COL6A6: variants seen among roughly 807,000 people sequenced by gnomAD.
COL6A6 encodes collagen alpha-6(VI) chain.
COL6A6 carries 183 observed loss-of-function variants against 208.6 expected under a neutral mutation model. The ratio of observed to expected loss-of-function variants is 0.88; its 90% CI spans 0.78 to 0.99. COL6A6 has a LOEUF of 0.99. Ranked by LOEUF, COL6A6 falls within the 50% of genes least tolerant of loss-of-function variation. The pLI, the probability that COL6A6 is intolerant of heterozygous loss-of-function variation, is 0.00. For synonymous variants in COL6A6, 973 were observed against 1,011.8 expected, an observed-to-expected ratio of 0.96 and a Z score of 0.73; for missense variants, 2,816 against 2,815.2, an observed-to-expected ratio of 1.00 and a Z score of -0.01.
At chr3:130,671,082 A>G (rs771216996) in intron 36 of COL6A6, among the ~76,000 whole-genome samples, 1 of 152,180 alleles carries the variant, frequency 6.6e-6, no homozygotes, top group Non-Finnish European at 1.5e-5. Context: ...CACCAAGTAA[A>G]GGGGATGGGG....
At chr3:130,601,466 A>G (rs2064017623) in intron 20 of COL6A6, among the ~76,000 whole-genome samples, 1 of 152,204 alleles carries the variant, frequency 6.6e-6, no homozygotes, top group South Asian at 2.1e-4. Flanking sequence ...AAAGAAATGC[A>G]TTTGCTATTC....
chr3:130,642,992 TG>T lies in COL6A6; in HGVS notation c.5197del (p.Glu1733SerfsTer44). 1 of 1,613,928 alleles carries T rather than the reference TG, an allele frequency of 6.2e-7. No homozygotes were observed. On this transcript the variant is annotated frameshift_variant, in exon 31 of 37. Transcript: ENST00000358511. LOFTEE classifies it high-confidence loss of function. ...GTTTTATTTTCGAACTGCAGACATG[TG>T]AGCTCATTCAGTATGTGCGAGACCG... is the stretch of plus-strand genomic sequence containing the variant. ...AKGLASFSTC[E>X]LIQYVRDRSP...
chr3:130,520,741 A>G (rs1302682919), intron 1 of COL6A6, among the ~76,000 whole-genome samples: 1 of 152,212 alleles, frequency 6.6e-6, no homozygotes, highest in Non-Finnish European at 1.5e-5. Flanking sequence ...ATCTCGGGAC[A>G]AGATAAAGGA....
intron 1 of COL6A6, among the ~76,000 whole-genome samples, chr3:130,557,828 G>C (rs2062800512): frequency 6.6e-6 from 1 of 152,114 alleles, no homozygotes; most frequent in East Asian, 1.9e-4. Flanking sequence ...AAACATTCTG[G>C]GTTTGAAGCC....
intron 8 of COL6A6, among the ~76,000 whole-genome samples, chr3:130,577,549 C>A (rs1009990735): frequency 6.6e-6 from 1 of 152,182 alleles, no homozygotes; most frequent in Non-Finnish European, 1.5e-5. Context: ...AATAACATAA[C>A]CTAGTAGTAG....
rs2063532010 is a variant in COL6A6, at chr3:130,585,981, G to GTT, written c.3971-522_3971-521dup. Among the ~76,000 whole-genome samples the GTT allele has an allele frequency of 7.2e-5, 11 of 152,294 alleles. No individual in the cohort carries two copies. The South Asian group carries it at 2.3e-3, about 32-fold the overall frequency. On this transcript the variant is annotated intron_variant, in intron 10 of 36. Coordinates refer to ENST00000358511, the MANE Select transcript of COL6A6 (RefSeq NM_001102608.3). Reference sequence around the variant, plus strand: ...ATGTATTTTCTGTTTTTGAGACAGGGTTTTGCTCTGTTGCCCAGGCTGGGG... The same window carrying GTT: ...ATGTATTTTCTGTTTTTGAGACAGGGTTTTTTGCTCTGTTGCCCAGGCTGGGG...
chr3:130,557,418 C>T (rs1442911005), intron 1 of COL6A6, among the ~76,000 whole-genome samples: 1 of 152,172 alleles, frequency 6.6e-6, no homozygotes, highest in Admixed American at 6.5e-5. Context: ...TTAACATGAA[C>T]TTAAGGCTCA....
At chr3:130,540,534 A>G (rs2062338371) in intron 1 of COL6A6, among the ~76,000 whole-genome samples, 1 of 152,158 alleles carries the variant, frequency 6.6e-6, no homozygotes, top group South Asian at 2.1e-4. Flanking sequence ...GATACATTGC[A>G]GGATGTGCAG....
At chr3:130,560,151 C>T (rs1212162600) in intron 1 of COL6A6, among the ~76,000 whole-genome samples, 183 bp from the exon 2 acceptor site, 1 of 152,266 alleles carries the variant, frequency 6.6e-6, no homozygotes, top group African/African-American at 2.4e-5. Context: ...ACTCTTACGA[C>T]TTTGTAAATA....
chr3:130,571,294 G>A lies in COL6A6; in HGVS notation c.2878G>A (p.Ala960Thr). ...CAATCCCGTGGAGCTGTTAGCCATGGCAGGATCAAGCGACAAGTACTTCTT... is the reference window on the plus strand; with the variant it reads ...CAATCCCGTGGAGCTGTTAGCCATGACAGGATCAAGCGACAAGTACTTCTT... ...GANPVELLAM[A>T]GSSDKYFFVE... Residue 960 changes from alanine to threonine, a missense_variant, in exon 7 of 37, where the codon GCA becomes ACA. Physicochemically the swap from Ala to Thr is moderately conservative, Grantham distance 58. Transcript: ENST00000358511. 3 of 1,614,000 alleles carry A rather than the reference G, an allele frequency of 1.9e-6. No homozygotes were observed. Among genetic ancestry groups the A allele is most frequent in the Non-Finnish European group, 2.5e-6 (3 of 1,179,886 alleles).
chr3:130,602,456 G>A (rs1479750022), intron 20 of COL6A6, among the ~76,000 whole-genome samples: 1 of 152,220 alleles, frequency 6.6e-6, no homozygotes, highest in Non-Finnish European at 1.5e-5. Flanking sequence ...GCAAAGGGCA[G>A]ATAAAGCCTC....
At chr3:130,547,286 T>A (rs1438479145) in intron 1 of COL6A6, among the ~76,000 whole-genome samples, 1 of 152,268 alleles carries the variant, frequency 6.6e-6, no homozygotes, top group Admixed American at 6.5e-5. Flanking sequence ...GCGCCCCCTC[T>A]GCAGCTGCTG....
chr3:130,564,718 C>A (rs1303251699), intron 3 of COL6A6, among the ~76,000 whole-genome samples: 1 of 152,196 alleles, frequency 6.6e-6, no homozygotes, highest in Admixed American at 6.5e-5. Flanking sequence ...ATGTACCAGG[C>A]CCCATGCTAA....
chr3:130,604,993 G>A (rs2064140827), intron 20 of COL6A6, among the ~76,000 whole-genome samples: 1 of 152,164 alleles, frequency 6.6e-6, no homozygotes, highest in Non-Finnish European at 1.5e-5. Flanking sequence ...TAAATGTTGT[G>A]GGGACCTTTC....
intron 23 of COL6A6, among the ~76,000 whole-genome samples, chr3:130,618,756 G>T (rs7636097): frequency 0.042 from 6,387 of 152,222 alleles, 478 homozygotes; most frequent in African/African-American, 0.14. Flanking sequence ...CTAATGGCAA[G>T]GTCCTGTATG....
intron 1 of COL6A6, among the ~76,000 whole-genome samples, chr3:130,539,751 T>G (rs952104506): frequency 6.6e-6 from 1 of 152,242 alleles, no homozygotes; most frequent in African/African-American, 2.4e-5. Context: ...ACTTCCTTGT[T>G]TCCTGCCACA....
At chr3:130,645,079 T>C (rs1259049335) in intron 32 of COL6A6, 77 bp downstream of exon 32, 2 of 1,386,302 alleles carry the variant, frequency 1.4e-6, no homozygotes, top group East Asian at 4.6e-5. Context: ...GTTAGAGCAA[T>C]GTATTGGCTT....
At chr3:130,586,854 G>A (rs184150361) in intron 11 of COL6A6, among the ~76,000 whole-genome samples, 194 bp downstream of exon 11, 7 of 152,296 alleles carry the variant, frequency 4.6e-5, no homozygotes, top group African/African-American at 1.4e-4. Flanking sequence ...GTCAAAGCAT[G>A]TTTAATTTAT....
upstream of COL6A6, among the ~76,000 whole-genome samples, chr3:130,516,774 C>T (rs1350861465): frequency 6.6e-6 from 1 of 152,102 alleles, no homozygotes; most frequent in Admixed American, 6.5e-5. Flanking sequence ...TCTCTGGCTC[C>T]CTTGCTAGAT....
Sources: gnomAD v4.1 joint callset for allele counts (sites outside exome capture counted in the v4.1 genomes callset) on GRCh38, gnomAD v4.1.1 for gene constraint, MANE v1.5 for transcripts, NCBI Gene and HGNC (gene_info 2026-07-23, HGNC 2026-07-21) for gene names.